Variants in PIK3C2A observed in about 807,000 individuals in gnomAD.
The protein encoded by PIK3C2A is phosphatidylinositol 4-phosphate 3-kinase C2 domain-containing subunit alpha.
PIK3C2A carries 97 observed loss-of-function variants against 204.5 expected under a neutral mutation model. That is an observed-to-expected ratio of 0.47 (90% CI 0.40 to 0.56). The LOEUF is 0.56. PIK3C2A is among the 20% of genes least tolerant of loss of function. The pLI is 0.00. For missense variants in PIK3C2A, 1,735 were observed against 1,969.2 expected, an observed-to-expected ratio of 0.88 and a Z score of 2.25; for synonymous variants, 653 against 664.4, an observed-to-expected ratio of 0.98 and a Z score of 0.26.
chr11:17,159,917 G>A (rs1450678882), intron 2 of PIK3C2A, among the ~76,000 whole-genome samples: 6 of 152,162 alleles, frequency 3.9e-5, no homozygotes, highest in Admixed American at 3.9e-4. Flanking sequence ...AGCAGGAGGA[G>A]TTTCCCCCTT....
intron 13 of PIK3C2A, 93 bp from the exon 14 acceptor site, chr11:17,122,906 G>T: frequency 1.6e-6 from 1 of 607,744 alleles, no homozygotes; most frequent in South Asian, 2.2e-5. Flanking sequence ...GTTAGTATGA[G>T]ATCAACTAAA....
intron 1 of PIK3C2A, among the ~76,000 whole-genome samples, chr11:17,171,538 A>C (rs1246172114): frequency 6.6e-6 from 1 of 152,238 alleles, no homozygotes; most frequent in Non-Finnish European, 1.5e-5. Context: ...GTCATGAAGA[A>C]AGAGGAATTC....
chr11:17,110,211 C>T (rs1422708854), intron 22 of PIK3C2A, among the ~76,000 whole-genome samples: 1 of 152,096 alleles, frequency 6.6e-6, no homozygotes, highest in African/African-American at 2.4e-5. Context: ...CCTTGGCCTC[C>T]CAAAGTGCTG....
intron 8 of PIK3C2A, among the ~76,000 whole-genome samples, chr11:17,144,208 C>T (rs955830283): frequency 6.6e-6 from 1 of 152,130 alleles, no homozygotes; most frequent in Admixed American, 6.5e-5. Flanking sequence ...ATACCCTTCC[C>T]AATTTTTTCT....
At chr11:17,119,675 T>A in intron 16 of PIK3C2A, 111 bp downstream of exon 16, 1 of 631,396 alleles carries the variant, frequency 1.6e-6, no homozygotes, top group South Asian at 2.5e-5. Flanking sequence ...TTTACACATT[T>A]GGATTATATT....
chr11:17,131,580 C>A (rs1849695904), intron 12 of PIK3C2A, among the ~76,000 whole-genome samples: 2 of 151,932 alleles, frequency 1.3e-5, no homozygotes, highest in South Asian at 4.2e-4. Context: ...CGCCACCACG[C>A]CCGGCTAATT....
chr11:17,168,837 T>C lies in PIK3C2A; in HGVS notation c.905A>G (p.Asp302Gly). Residue 302 changes from aspartate (D) to glycine (G), a missense_variant, in exon 2 of 33, where the codon GAT becomes GGT. Physicochemically the swap from Asp to Gly is moderately conservative, Grantham distance 94 (BLOSUM62 -1). Around this residue, in one of 6 missense-constraint regions of PIK3C2A, gnomAD observed 536 missense variants for 546.7 expected, o/e 0.98. Transcript: ENST00000691414. Reference sequence around the variant, plus strand: ...TTCAAGAAGAACAGCATCCCAAGGATCCTTTGCTAGCAAACTTGAAACATT... The same window carrying C: ...TTCAAGAAGAACAGCATCCCAAGGACCCTTTGCTAGCAAACTTGAAACATT... Reference protein sequence around the residue: ...EKNVSSLLAKDPWDAVLLEER... With the variant: ...EKNVSSLLAKGPWDAVLLEER... 6.2e-7 allele frequency: 1 copy of C among 1,614,128 alleles called. No individual in the cohort carries two copies. The highest frequency in any genetic ancestry group is 8.5e-7 in the Non-Finnish European group (1 of 1,180,016).
chr11:17,169,132 T>G lies in PIK3C2A; in HGVS notation c.610A>C (p.Thr204Pro). ...AAGCTTCCTTGTGGATGAAAGGGTG[T>G]GGCAGGTGTCAAAGGATATGAGAAA... is the stretch of plus-strand genomic sequence containing the variant. The part of the protein sequence containing the change: ...PYFSYPLTPA[T>P]PFHPQGSLPI... The change falls in exon 2 of 33, where the codon ACA (threonine) becomes CCA (proline). Residue 204 changes from threonine to proline, a missense_variant. This residue lies in a region of PIK3C2A where 536 missense variants were observed against 546.7 expected (regional missense o/e 0.98). Transcript: ENST00000691414. 6.2e-7 allele frequency: 1 copy of G among 1,614,204 alleles called. No homozygotes were observed. Among genetic ancestry groups the G allele is most frequent in the Admixed American group, 1.7e-5 (1 of 60,024 alleles).
rs553276138 is a variant in PIK3C2A at position 17,097,170 on chromosome 11, C to G, written c.4213G>C (p.Asp1405His). Residue 1405 changes from aspartate to histidine, a missense_variant, in exon 27 of 33, where the codon GAT becomes CAT. By Grantham distance (81) the Asp-to-His change is moderately conservative (BLOSUM62 -1). Around this residue, in one of 6 missense-constraint regions of PIK3C2A, gnomAD observed 503 missense variants for 669.0 expected, o/e 0.75. Transcript: ENST00000691414. ...QLRFSGLPSN[D>H]EPILSFSPKT... ...GGTGAAAATGAAAGGATGGGCTCAT[C>G]ATTAGAAGGAAGACCAGAAAAACGA... 31 of 1,612,422 alleles carry G rather than the reference C, an allele frequency of 1.9e-5. No individual in the cohort carries two copies. The highest frequency in any genetic ancestry group is 3.3e-4 in the Middle Eastern group (2 of 6,054).
chr11:17,166,763 A>C lies in PIK3C2A; in HGVS notation c.1065+1914T>G, dbSNP rs180807587. On this transcript the variant is annotated intron_variant, in intron 2 of 32. Transcript: ENST00000691414. ...GCAGTTGCCCTTCCCAAACAACTAT[A>C]AACAGCTGACATCTTAAATCCAGAC... Among the ~76,000 whole-genome samples, 190 of 152,296 alleles carry C rather than the reference A, an allele frequency of 1.2e-3. 2 individuals are homozygous for C. The highest frequency in any genetic ancestry group is 4.4e-3 in the African/African-American group (181 of 41,566).
chr11:17,091,213 C>G (rs1251757422), intron 32 of PIK3C2A, 121 bp downstream of exon 32: 5 of 827,846 alleles, frequency 6.0e-6, no homozygotes, highest in Non-Finnish European at 9.5e-6. Context: ...GTATGCAGAC[C>G]ACAATGGTAC....
chr11:17,142,072 T>C (rs1850081314), intron 8 of PIK3C2A, among the ~76,000 whole-genome samples: 1 of 152,156 alleles, frequency 6.6e-6, no homozygotes, highest in Non-Finnish European at 1.5e-5. Flanking sequence ...AACCTAACAT[T>C]GCTCTCAAAA....
intron 14 of PIK3C2A, 95 bp from the exon 15 acceptor site, chr11:17,122,428 G>C: frequency 1.3e-6 from 1 of 758,600 alleles, no homozygotes; most frequent in Non-Finnish European, 2.2e-6. Flanking sequence ...CTTAGCAATC[G>C]GGGCATATTT....
At chr11:17,127,649 AAG>A (rs1849566869) in intron 13 of PIK3C2A, among the ~76,000 whole-genome samples, 1 of 152,208 alleles carries the variant, frequency 6.6e-6, no homozygotes, top group African/African-American at 2.4e-5. Flanking sequence ...AGAATATTTC[AAG>A]AACAAATTTG....
chr11:17,150,033 T>TA (rs993073576), intron 4 of PIK3C2A, among the ~76,000 whole-genome samples: 5 of 151,930 alleles, frequency 3.3e-5, no homozygotes, highest in African/African-American at 1.2e-4. Context: ...TTTAAAACTA[T>TA]AAAAAAAATT....
Position 17,169,333 on chromosome 11 carries a change from T to G in PIK3C2A, c.409A>C (p.Ile137Leu). 2 of 1,614,092 alleles carry G rather than the reference T, an allele frequency of 1.2e-6. No individual in the cohort carries two copies. The highest frequency in any genetic ancestry group is 1.1e-5 in the South Asian group (1 of 91,056). Residue 137 changes from isoleucine to leucine, a missense_variant, in exon 2 of 33, where the codon ATT becomes CTT. Physicochemically the swap from Ile to Leu is conservative, Grantham distance 5. Coordinates refer to ENST00000691414, the MANE Select transcript of PIK3C2A (RefSeq NM_002645.4). The part of the protein sequence containing the change: ...FSAQLYFRPT[I>L]QRGQWPPGLP... ...CCAGGTGGCCACTGTCCTCTCTGAA[T>G]AGTAGGTCTAAAATAGAGCTGTGCT... is the stretch of plus-strand genomic sequence containing the variant.
At position 17,169,787 on chromosome 11, in the gene PIK3C2A, A is replaced by T; in HGVS notation, c.-46T>A. On this transcript the variant is annotated 5_prime_UTR_variant, in exon 2 of 33. Transcript: ENST00000691414. ...CTTCCTTCCTCTATTTTTTTCTTGT[A>T]GCTTCCAAAATAGCAAGGCCTATAC... 7.5e-7 allele frequency: 1 copy of T among 1,333,600 alleles called. No homozygotes were observed. The highest frequency in any genetic ancestry group is 1.0e-6 in the Non-Finnish European group (1 of 975,342). The allele number at this position is 1,333,600 out of a possible 1,614,324, so 82.6% of individuals were successfully genotyped here.
At chr11:17,132,743 A>G (rs938816681) in intron 11 of PIK3C2A, among the ~76,000 whole-genome samples, 20 of 152,198 alleles carry the variant, frequency 1.3e-4, no homozygotes, top group Non-Finnish European at 2.8e-4. Context: ...TACCTTCCCT[A>G]GGTGCATTTT....
At position 17,149,219 on chromosome 11, in the gene PIK3C2A, G is replaced by A. The variant is rs1474247258; in HGVS notation, c.1328-432C>T. Among the ~76,000 whole-genome samples, 4 of 151,744 alleles carry A rather than the reference G, an allele frequency of 2.6e-5. No individual in the cohort carries two copies. The East Asian group carries it at 7.7e-4, about 29-fold the overall frequency. ...TCTAGAGATGATTTAAAATATACAGGAGTATTACACATTGTATGCCTGTAT... is the reference window on the plus strand; with the variant it reads ...TCTAGAGATGATTTAAAATATACAGAAGTATTACACATTGTATGCCTGTAT... On this transcript the variant is annotated intron_variant, in intron 4 of 32. Coordinates refer to ENST00000691414, the MANE Select transcript of PIK3C2A (RefSeq NM_002645.4).
Sources: gnomAD v4.1 joint callset for allele counts (sites outside exome capture counted in the v4.1 genomes callset) on GRCh38, gnomAD v4.1.1 for gene constraint, gnomAD v4.1.1 regional missense constraint, MANE v1.5 for transcripts, NCBI Gene and HGNC (gene_info 2026-07-23, HGNC 2026-07-21) for gene names.